The following ADGRE1 variants were observed in gnomAD, a reference collection of about 807,000 sequenced individuals.
ADGRE1 encodes EGF-like module receptor 1.
A neutral mutation model predicts 102.7 loss-of-function variants in ADGRE1; 82 were observed. The observed-to-expected ratio is 0.80, with a 90% CI of 0.67 to 0.96. The LOEUF (loss-of-function observed/expected upper bound fraction) is 0.96. ADGRE1 is among the 40% of genes least tolerant of loss of function. The pLI is 0.00. For synonymous variants in ADGRE1, 398 were observed against 399.6 expected, an observed-to-expected ratio of 1.00 and a Z score of 0.05; for missense variants, 1,032 against 1,085.3, an observed-to-expected ratio of 0.95 and a Z score of 0.69.
At chr19:6,908,838 A>T (rs1974068612) in intron 10 of ADGRE1, 66 bp downstream of exon 10, 1 of 1,488,566 alleles carries the variant, frequency 6.7e-7, no homozygotes, top group East Asian at 2.3e-5. Flanking sequence ...TTGGGTGCAG[A>T]AAGATGTCTT....
intron 12 of ADGRE1, among the ~76,000 whole-genome samples, chr19:6,917,453 G>A (rs12975818): frequency 0.2 from 30,112 of 151,884 alleles, 3,075 homozygotes; most frequent in Middle Eastern, 0.31. Flanking sequence ...AAAGAATTGA[G>A]GGTCGCTGGG....
At position 6,906,331 on chromosome 19, in the gene ADGRE1, G is replaced by A; in HGVS notation, c.950-102G>A. 7 of 958,556 alleles carry A rather than the reference G, an allele frequency of 7.3e-6. 1 individual carries two copies. The East Asian group carries it at 1.2e-4, about 17-fold the overall frequency. The allele number at this position is 958,556 out of a possible 1,614,324, so 59.4% of individuals were successfully genotyped here. On this transcript the variant is annotated intron_variant, in intron 8 of 20. Transcript: ENST00000312053. Reference sequence around the variant, plus strand: ...CCCCTTGTGTATTAGGGTAATAGATGGATTTTAAGTCGGGCACGGGAGGAC... The same window carrying A: ...CCCCTTGTGTATTAGGGTAATAGATAGATTTTAAGTCGGGCACGGGAGGAC...
chr19:6,904,755 C>G (rs1299262521), intron 8 of ADGRE1, among the ~76,000 whole-genome samples: 1 of 152,114 alleles, frequency 6.6e-6, no homozygotes, highest in African/African-American at 2.4e-5. Flanking sequence ...ATCAGCCCGC[C>G]TCGGCCTCCC....
At chr19:6,894,218 A>G (rs183196421) in intron 2 of ADGRE1, among the ~76,000 whole-genome samples, 223 of 152,226 alleles carry the variant, frequency 1.5e-3, no homozygotes, top group Non-Finnish European at 2.0e-3. Flanking sequence ...TCCTCTTGGA[A>G]GGGTCTGTTA....
At position 6,897,495 on chromosome 19, in the gene ADGRE1, C is replaced by A; in HGVS notation, c.462C>A (p.Ser154Arg). ...CTGACTGTGTCAACTCCATGGGAAG[C>A]TACAGTTGCAGCTGTCAAGTTGGAT... ...EHSDCVNSMG[S>R]YSCSCQVGFI... is the part of the protein sequence containing the mutation. Residue 154 changes from serine to arginine, a missense_variant, in exon 5 of 21, where the codon AGC (serine) becomes AGA (arginine). Ser to Arg is a moderately radical substitution (Grantham distance 110). Coordinates refer to ENST00000312053, the MANE Select transcript of ADGRE1 (RefSeq NM_001974.5). 1 of 1,597,316 alleles carries A rather than the reference C, an allele frequency of 6.3e-7. No homozygotes were observed. Among genetic ancestry groups the A allele is most frequent in the South Asian group, 1.1e-5 (1 of 88,124 alleles).
intron 18 of ADGRE1, among the ~76,000 whole-genome samples, chr19:6,936,722 A>C (rs1051143318): frequency 6.6e-6 from 1 of 151,534 alleles, no homozygotes; most frequent in Non-Finnish European, 1.5e-5. Context: ...TCCCAGGTTC[A>C]AGCGATTCTC....
In ADGRE1 at chr19:6,904,090, C is replaced by A; in HGVS notation, c.857C>A (p.Thr286Asn). The A allele has an allele frequency of 6.2e-7, 1 of 1,614,226 alleles. No individual in the cohort carries two copies. The highest frequency in any genetic ancestry group is 8.5e-7 in the Non-Finnish European group (1 of 1,180,042). The change falls in exon 8 of 21, where the codon ACC becomes AAC. Residue 286 changes from threonine to asparagine, a missense_variant. By Grantham distance (65) the Thr-to-Asn change is moderately conservative. Transcript: ENST00000312053. Reference protein sequence around the residue: ...PSTCGPNSICTNALGSYSCGC... With the variant: ...PSTCGPNSICNNALGSYSCGC... ...ACCTGTGGTCCTAATTCTATCTGCA[C>A]CAATGCCCTGGGCTCCTACAGCTGT...
intron 5 of ADGRE1, among the ~76,000 whole-genome samples, chr19:6,900,022 A>T (rs1568339362): frequency 4.0e-5 from 6 of 150,430 alleles, no homozygotes; most frequent in Admixed American, 3.3e-4. Flanking sequence ...TGAACCCAGG[A>T]GGCAGAGCTT....
intron 11 of ADGRE1, among the ~76,000 whole-genome samples, chr19:6,914,395 G>A (rs960337964): frequency 1.6e-4 from 24 of 152,178 alleles, no homozygotes; most frequent in African/African-American, 5.5e-4. Context: ...GTAAACACTT[G>A]TTATTTTTTA....
At chr19:6,924,960 G>C in intron 15 of ADGRE1, 88 bp downstream of exon 15, 15 of 1,409,574 alleles carry the variant, frequency 1.1e-5, no homozygotes, top group East Asian at 2.3e-5. Flanking sequence ...CTCTATCCCT[G>C]TTCCTACCTC....
chr19:6,889,517 C>A (rs531756173), intron 1 of ADGRE1, among the ~76,000 whole-genome samples: 1 of 151,534 alleles, frequency 6.6e-6, no homozygotes, highest in African/African-American at 2.4e-5. Context: ...GGAGAAACCC[C>A]GTTTCTACTA....
At chr19:6,924,958 C>A (rs1038996463) in intron 15 of ADGRE1, 86 bp downstream of exon 15, 1 of 1,407,010 alleles carries the variant, frequency 7.1e-7, no homozygotes, top group East Asian at 2.3e-5. Flanking sequence ...CCCTCTATCC[C>A]TGTTCCTACC....
intron 14 of ADGRE1, among the ~76,000 whole-genome samples, chr19:6,922,396 A>T (rs1358522084): frequency 4.0e-5 from 6 of 151,700 alleles, no homozygotes; most frequent in Non-Finnish European, 7.4e-5. Flanking sequence ...CGGGCGGATC[A>T]TGAGGTCAAG....
intron 17 of ADGRE1, among the ~76,000 whole-genome samples, chr19:6,933,965 G>A (rs989956627): frequency 6.6e-6 from 1 of 152,112 alleles, no homozygotes; most frequent in Non-Finnish European, 1.5e-5. Context: ...CGCAGTCTAT[G>A]TCCTAACGTA....
intron 9 of ADGRE1, among the ~76,000 whole-genome samples, chr19:6,908,449 A>G (rs938679659): frequency 1.3e-5 from 2 of 152,174 alleles, no homozygotes; most frequent in African/African-American, 2.4e-5. Flanking sequence ...GGTTTCAGCA[A>G]TCACTAAGTA....
intron 18 of ADGRE1, among the ~76,000 whole-genome samples, chr19:6,936,565 G>C (rs1193604904): frequency 6.7e-6 from 1 of 149,358 alleles, no homozygotes; most frequent in African/African-American, 2.5e-5. Context: ...GTGTAACTCG[G>C]TGGCTTTTCG....
rs1473156193 is a variant in ADGRE1 at position 6,916,236 on chromosome 19, T to G, written c.1301-13T>G. 1.2e-6 allele frequency: 2 copies of G among 1,609,184 alleles called. No homozygotes were observed. The highest frequency in any genetic ancestry group is 1.3e-5 in the African/African-American group (1 of 74,920). On this transcript the variant is annotated splice_polypyrimidine_tract_variant and intron_variant, in intron 11 of 20. Transcript: ENST00000312053. ...TGGGTGACCTCATACGAACTCTCCC[T>G]TTCTCTTTTTAGACATTGAGAGCAA...
chr19:6,899,546 G>A (rs978830984), intron 5 of ADGRE1, among the ~76,000 whole-genome samples: 13 of 152,012 alleles, frequency 8.6e-5, no homozygotes, highest in African/African-American at 2.9e-4. Context: ...CGGGCATGGT[G>A]GCAGGCACCT....
chr19:6,908,700 T>C lies in ADGRE1; in HGVS notation c.1050T>C (p.Cys350=). 1.3e-6 allele frequency: 2 copies of C among 1,597,210 alleles called. No homozygotes were observed. Among genetic ancestry groups the C allele is most frequent in the Admixed American group, 3.6e-5 (2 of 55,790 alleles). ...TTTCTGGGACGCAGGTCTCCTTTTG[T>C]GCACAAATAAATAACATCTTCAGCG... ...TAVKPAYVSF[C]AQINNIFSVL... is the part of the protein sequence containing the mutation. The change falls in exon 10 of 21, where the codon TGT becomes TGC. Residue 350 remains cysteine (C), a synonymous_variant. Transcript: ENST00000312053.
Sources: allele counts gnomAD v4.1 joint callset (sites outside exome capture counted in the v4.1 genomes callset), GRCh38; gene constraint gnomAD v4.1.1; transcripts MANE v1.5; gene names NCBI Gene and HGNC (gene_info 2026-07-23, HGNC 2026-07-21).